SCN11A: variants seen among roughly 807,000 people sequenced by gnomAD.
The protein encoded by SCN11A is sodium voltage-gated channel alpha subunit 11, also known as sodium channel protein type 11 subunit alpha.
SCN11A carries 122 observed loss-of-function variants against 162.2 expected under a neutral mutation model. The observed-to-expected ratio is 0.75, with a 90% CI of 0.65 to 0.87. The LOEUF (loss-of-function observed/expected upper bound fraction) is 0.87, where lower values mean the gene tolerates loss of function less well. Ranked by LOEUF, SCN11A falls within the 40% of genes least tolerant of loss-of-function variation. SCN11A has a pLI of 0.00. For synonymous variants in SCN11A, 758 were observed against 751.5 expected (o/e 1.01, Z -0.14); for missense variants, 2,015 against 2,181.6 (o/e 0.92, Z 1.52).
At chr3:39,022,244 T>G (rs1330702587) in intron 2 of SCN11A, among the ~76,000 whole-genome samples, 2 of 152,230 alleles carry the variant, frequency 1.3e-5, no homozygotes, top group Non-Finnish European at 2.9e-5. Flanking sequence ...AGCTCAATTG[T>G]GCATGTGCAT....
intron 7 of SCN11A, among the ~76,000 whole-genome samples, chr3:38,929,183 CTGAA>C: frequency 7.4e-6 from 1 of 135,030 alleles, no homozygotes; most frequent in African/African-American, 3.0e-5. Flanking sequence ...ATGTTTGGGA[CTGAA>C]ACAAGTAATT....
chr3:38,950,063 A>AACCCC, intron 5 of SCN11A, 33 bp downstream of exon 5: 1 of 62,402 alleles, frequency 1.6e-5, no homozygotes, highest in Non-Finnish European at 3.1e-5. Flanking sequence ...GAACACCCCC[A>AACCCC]CCCCCACCCC....
At chr3:39,033,435 A>G (rs564108219) in intron 1 of SCN11A, among the ~76,000 whole-genome samples, 1 of 152,356 alleles carries the variant, frequency 6.6e-6, no homozygotes, top group South Asian at 2.1e-4. Context: ...TCGAGACTCA[A>G]AGAGAACAGA....
chr3:38,934,660 T>C (rs2125562148), intron 7 of SCN11A, among the ~76,000 whole-genome samples: 1 of 152,004 alleles, frequency 6.6e-6, no homozygotes, highest in East Asian at 1.9e-4. Flanking sequence ...AAGGGATCAA[T>C]TGAACAAGAA....
intron 2 of SCN11A, among the ~76,000 whole-genome samples, chr3:38,994,396 T>C (rs1163326182): frequency 6.6e-6 from 1 of 152,130 alleles, no homozygotes; most frequent in Non-Finnish European, 1.5e-5. Context: ...CAGAACATGT[T>C]TAGGACATTT....
intron 28 of SCN11A, among the ~76,000 whole-genome samples, chr3:38,851,362 T>C (rs1222983139): frequency 6.6e-6 from 1 of 152,096 alleles, no homozygotes; most frequent in Non-Finnish European, 1.5e-5. Flanking sequence ...AAACTGAAAA[T>C]AGAAAAAAAT....
chr3:38,916,329 TA>T (rs2125543768), intron 11 of SCN11A, among the ~76,000 whole-genome samples: 1 of 152,238 alleles, frequency 6.6e-6, no homozygotes, highest in South Asian at 2.1e-4. Context: ...TGATATGTCC[TA>T]GTCTTTCTGT....
At chr3:39,000,775 T>C (rs1021846524) in intron 2 of SCN11A, among the ~76,000 whole-genome samples, 1 of 152,102 alleles carries the variant, frequency 6.6e-6, no homozygotes, top group African/African-American at 2.4e-5. Context: ...AGTGGCTCAC[T>C]CCTGTAATTT....
At chr3:38,884,664 A>G in intron 21 of SCN11A, among the ~76,000 whole-genome samples, 1 of 152,238 alleles carries the variant, frequency 6.6e-6, no homozygotes, top group Non-Finnish European at 1.5e-5. Flanking sequence ...GTAAAGGCCT[A>G]TAGGAAAAAG....
intron 17 of SCN11A, 90 bp from the exon 18 acceptor site, chr3:38,897,315 C>A: frequency 2.3e-6 from 3 of 1,294,968 alleles, no homozygotes; most frequent in South Asian, 3.0e-5. Context: ...GACATATACC[C>A]AAACTTATGA....
At chr3:39,006,524 C>T (rs77461252) in intron 2 of SCN11A, among the ~76,000 whole-genome samples, 104 of 149,902 alleles carry the variant, frequency 6.9e-4, no homozygotes, top group African/African-American at 2.5e-3. Flanking sequence ...AAGATGGAGA[C>T]AAACCAACCA....
intron 2 of SCN11A, among the ~76,000 whole-genome samples, chr3:38,977,036 A>G (rs1341031799): frequency 6.6e-6 from 1 of 152,214 alleles, no homozygotes; most frequent in East Asian, 1.9e-4. Context: ...ACCAGCAGTG[A>G]GCATCCAACT....
intron 26 of SCN11A, among the ~76,000 whole-genome samples, chr3:38,868,609 A>G (rs952575961): frequency 1.3e-5 from 2 of 152,206 alleles, no homozygotes; most frequent in Non-Finnish European, 2.9e-5. Context: ...AAGCTCACCC[A>G]ATTTGTTCAT....
At chr3:38,951,579 G>A (rs1019168901) in intron 4 of SCN11A, among the ~76,000 whole-genome samples, 2 of 152,266 alleles carry the variant, frequency 1.3e-5, no homozygotes, top group African/African-American at 2.4e-5. Flanking sequence ...CTGCGGCCCC[G>A]GTGCGGGATC....
At chr3:39,029,498 C>T (rs1471443959) in intron 2 of SCN11A, among the ~76,000 whole-genome samples, 1 of 152,122 alleles carries the variant, frequency 6.6e-6, no homozygotes, top group Non-Finnish European at 1.5e-5. Flanking sequence ...CATGTGTGTT[C>T]CAAACAGATT....
Position 39,036,097 on chromosome 3 carries a change from T to C in SCN11A, c.-403-3594A>G, listed in dbSNP as rs1181900359. 3.3e-5 allele frequency among the ~76,000 whole-genome samples: 5 copies of C among 152,334 alleles called. No individual in the cohort carries two copies. The East Asian group carries it at 5.8e-4, about 18-fold the overall frequency. On this transcript the variant is annotated intron_variant, in intron 1 of 29. Coordinates refer to ENST00000302328, the MANE Select transcript of SCN11A (RefSeq NM_001349253.2). ...ATAGTGCGTTATAGCCCAGAACTCC[T>C]GGACTTAAGCAATCCTCCTGCGTCA...
intron 27 of SCN11A, among the ~76,000 whole-genome samples, chr3:38,864,418 T>A (rs1212086906): frequency 1.3e-5 from 2 of 152,128 alleles, no homozygotes; most frequent in Non-Finnish European, 2.9e-5. Context: ...ATTCTGAGAC[T>A]GTAGTGTGTG....
At chr3:38,919,501 T>A (rs1054734111) in intron 11 of SCN11A, among the ~76,000 whole-genome samples, 4 of 152,224 alleles carry the variant, frequency 2.6e-5, no homozygotes, top group African/African-American at 9.6e-5. Flanking sequence ...TAAGTGGATG[T>A]ATGTTCAACT....
intron 2 of SCN11A, among the ~76,000 whole-genome samples, chr3:38,965,516 G>T (rs578180035): frequency 6.6e-6 from 1 of 152,154 alleles, no homozygotes; most frequent in East Asian, 1.9e-4. Context: ...GTTTCCTCCT[G>T]GTAAGCTGTC....
Sources: allele counts gnomAD v4.1 joint callset (sites outside exome capture counted in the v4.1 genomes callset), GRCh38; gene constraint gnomAD v4.1.1; transcripts MANE v1.5; gene names NCBI Gene and HGNC (gene_info 2026-07-23, HGNC 2026-07-21).